Variants in CSE1L observed in about 807,000 individuals in gnomAD.
The protein encoded by CSE1L is chromosome segregation 1 like, also known as exportin-2.
In CSE1L, 24 loss-of-function variants were observed where a neutral mutation model predicts 120.4. The observed-to-expected ratio is 0.20, with a 90% CI of 0.14 to 0.28. CSE1L has a LOEUF of 0.28. CSE1L is among the 10% of genes least tolerant of loss of function. The pLI, the probability that CSE1L is intolerant of heterozygous loss-of-function variation, is 1.00. For missense variants in CSE1L, 830 were observed against 1,145.2 expected (o/e 0.72, Z 3.97); for synonymous variants, 402 against 398.3 (o/e 1.01, Z -0.11).
intron 2 of CSE1L, 52 bp downstream of exon 2, chr20:49,058,600 A>C (rs775310683): frequency 1.4e-5 from 19 of 1,390,662 alleles, no homozygotes; most frequent in Non-Finnish European, 1.8e-5. Context: ...GACAGGTGAG[A>C]GAAACCTATG....
intron 11 of CSE1L, 103 bp from the exon 12 acceptor site, chr20:49,075,215 A>G (rs1051472429): frequency 3.8e-5 from 36 of 954,448 alleles, no homozygotes; most frequent in African/African-American, 3.7e-4. Flanking sequence ...CCGTTTTACA[A>G]TCGTAGCCAA....
In CSE1L at chr20:49,063,238, A is replaced by G. The variant is rs2091865987; in HGVS notation, c.122A>G (p.Asn41Ser). ...KFLESVEGNQ[N>S]YPLLLLTLLE... ...CTTGAATCTGTTGAAGGAAATCAGAATTATCCACTGTTGCTTTTGACATTA... is the reference window on the plus strand; with the variant it reads ...CTTGAATCTGTTGAAGGAAATCAGAGTTATCCACTGTTGCTTTTGACATTA... Residue 41 changes from asparagine to serine, a missense_variant, in exon 3 of 25, where the codon AAT becomes AGT. By Grantham distance (46) the Asn-to-Ser change is conservative (BLOSUM62 1). This residue lies in a region of CSE1L where 543 missense variants were observed against 640.2 expected (regional missense o/e 0.85). Transcript: ENST00000262982. 6.3e-7 allele frequency: 1 copy of G among 1,594,820 alleles called. No homozygotes were observed. Among genetic ancestry groups the G allele is most frequent in the East Asian group, 2.3e-5 (1 of 44,118 alleles).
chr20:49,051,947 C>T (rs1221202143), intron 1 of CSE1L, among the ~76,000 whole-genome samples: 1 of 152,192 alleles, frequency 6.6e-6, no homozygotes, highest in Non-Finnish European at 1.5e-5. Context: ...CCTTCCGCCT[C>T]GGCCTTCCAA....
intron 1 of CSE1L, among the ~76,000 whole-genome samples, chr20:49,047,745 C>T (rs2091730980): frequency 6.6e-6 from 1 of 151,368 alleles, no homozygotes; most frequent in South Asian, 2.1e-4. Flanking sequence ...CCACCACACC[C>T]GGCTAATTTT....
At chr20:49,065,157 CA>C (rs3091720) in intron 3 of CSE1L, among the ~76,000 whole-genome samples, 108,449 of 133,588 alleles carry the variant, frequency 0.81, 43,912 homozygotes, top group African/African-American at 0.95. Context: ...AACCCAGTCT[CA>C]AAAAAAAAAA....
chr20:49,058,384 G>T, intron 1 of CSE1L, 69 bp from the exon 2 acceptor site: 2 of 1,140,856 alleles, frequency 1.8e-6, no homozygotes, highest in Non-Finnish European at 2.6e-6. Context: ...TAATATAAAC[G>T]GATTTCTTTA....
chr20:49,075,375 T>C lies in CSE1L; in HGVS notation c.1190T>C (p.Phe397Ser), dbSNP rs1219511382. The C allele has an allele frequency of 6.2e-7, 1 of 1,614,150 alleles. No individual in the cohort carries two copies. The highest frequency in any genetic ancestry group is 8.5e-7 in the Non-Finnish European group (1 of 1,180,006). ...CDLVRGLCKFFEGPVTGIFSG... is the reference protein window; with the variant it reads ...CDLVRGLCKFSEGPVTGIFSG... ...CTGGTACGAGGATTATGCAAGTTTT[T>C]TGAGGGACCTGTGACAGGAATCTTC... The change falls in exon 12 of 25, where the codon TTT (phenylalanine) becomes TCT (serine). Residue 397 changes from phenylalanine (F) to serine (S), a missense_variant. Phe to Ser is a radical substitution (Grantham distance 155). Around this residue, in one of 4 missense-constraint regions of CSE1L, gnomAD observed 543 missense variants for 640.2 expected, o/e 0.85. Coordinates refer to ENST00000262982, the MANE Select transcript of CSE1L (RefSeq NM_001316.4).
At chr20:49,052,695 C>T (rs2091776682) in intron 1 of CSE1L, among the ~76,000 whole-genome samples, 3 of 152,138 alleles carry the variant, frequency 2.0e-5, no homozygotes, top group Admixed American at 2.0e-4. Flanking sequence ...GTGGCCTGAT[C>T]ACAACTCACA....
chr20:49,050,385 AT>A (rs1243770980), intron 1 of CSE1L, among the ~76,000 whole-genome samples: 2,347 of 79,016 alleles, frequency 0.03, 32 homozygotes, highest in Admixed American at 0.052. Context: ...AGCCCAGCTA[AT>A]TTTTTTTTTT....
chr20:49,081,315 G>A (rs973133921), intron 14 of CSE1L, among the ~76,000 whole-genome samples: 6 of 151,950 alleles, frequency 3.9e-5, no homozygotes, highest in Non-Finnish European at 1.5e-5. Context: ...ACAGGGTCTC[G>A]TTCTGTCGCC....
Position 49,094,168 on chromosome 20 carries a change from A to G in CSE1L, c.2476A>G (p.Ile826Val). 6.3e-7 allele frequency: 1 copy of G among 1,583,100 alleles called. No homozygotes were observed. Among genetic ancestry groups the G allele is most frequent in the South Asian group, 1.1e-5 (1 of 87,974 alleles). ...KMFGMVLEKI[I>V]IPEIQKVSGN... is the part of the protein sequence containing the mutation. ...GTTTGGAATGGTTTTGGAAAAAATT[A>G]TTATTCCTGAAATTCAGAAGGTATC... Residue 826 changes from isoleucine to valine, a missense_variant, in exon 23 of 25, where the codon ATT becomes GTT. Transcript: ENST00000262982.
At chr20:49,059,744 G>A (rs6066959) in intron 2 of CSE1L, among the ~76,000 whole-genome samples, 48,120 of 151,780 alleles carry the variant, frequency 0.32, 9,020 homozygotes, top group Middle Eastern at 0.47. Context: ...GCTGGGTGTG[G>A]TGGCACACAC....
At chr20:49,094,522 A>G (rs1418240971) in intron 23 of CSE1L, among the ~76,000 whole-genome samples, 1 of 152,148 alleles carries the variant, frequency 6.6e-6, no homozygotes, top group African/African-American at 2.4e-5. Context: ...GGTGATCTCT[A>G]AGACAATTTT....
Position 49,063,306 on chromosome 20 carries a change from G to C in CSE1L, c.190G>C (p.Val64Leu). The C allele has an allele frequency of 7.1e-6, 11 of 1,540,324 alleles. No homozygotes were observed. Among genetic ancestry groups the C allele is most frequent in the Non-Finnish European group, 9.7e-6 (11 of 1,136,646 alleles). ...TAATGTTATCAAAGTATGTGCTTCA[G>C]TAACATTCAAAAACTATATTAAAAG... ...QDNVIKVCAS[V>L]TFKNYIKRNW... Residue 64 changes from valine to leucine, a missense_variant, in exon 3 of 25, where the codon GTA becomes CTA. By Grantham distance (32) the Val-to-Leu change is conservative. Transcript: ENST00000262982.
chr20:49,053,882 G>T (rs768161344), intron 1 of CSE1L, among the ~76,000 whole-genome samples: 22 of 152,008 alleles, frequency 1.4e-4, no homozygotes, highest in Non-Finnish European at 2.4e-4. Context: ...TAGAGATGGG[G>T]TTTTGCCATG....
chr20:49,083,952 C>T, intron 14 of CSE1L, 74 bp from the exon 15 acceptor site: 3 of 1,441,516 alleles, frequency 2.1e-6, no homozygotes, highest in Non-Finnish European at 2.9e-6. Context: ...TCAACAGGTC[C>T]TTCTCTTCCA....
chr20:49,094,277 C>T lies in CSE1L; in HGVS notation c.2585C>T (p.Thr862Ile). The T allele has an allele frequency of 1.9e-6, 3 of 1,610,618 alleles. No individual in the cohort carries two copies. The highest frequency in any genetic ancestry group is 1.3e-5 in the African/African-American group (1 of 74,814). Residue 862 changes from threonine (T) to isoleucine (I), a missense_variant, in exon 23 of 25, where the codon ACC (threonine) becomes ATC (isoleucine). Physicochemically the swap from Thr to Ile is moderately conservative, Grantham distance 89. Around this residue, in one of 4 missense-constraint regions of CSE1L, gnomAD observed 112 missense variants for 200.0 expected, o/e 0.56. Coordinates refer to ENST00000262982, the MANE Select transcript of CSE1L (RefSeq NM_001316.4). The stretch of plus-strand genomic sequence containing the variant: ...CCCCCAATGATGGACACTGAGTATA[C>T]CAAACTGTGGTAAGTACTTCATTTT... ...ECPPMMDTEY[T>I]KLWTPLLQSL...
chr20:49,092,047 T>A lies in CSE1L; in HGVS notation c.2367T>A (p.Ser789Arg), dbSNP rs948922691. Reference protein sequence around the residue: ...QNSKTTKFIKSFLVFINLYCI... With the variant: ...QNSKTTKFIKRFLVFINLYCI... ...ATATTCTGCATCTTCTTTCAACAGG[T>A]TTTTTAGTCTTTATTAATTTGTATT... The change falls in exon 22 of 25, where the codon AGT becomes AGA. Residue 789 changes from serine (S) to arginine (R), a missense_variant and splice_region_variant. Physicochemically the swap from Ser to Arg is moderately radical, Grantham distance 110 (BLOSUM62 -1). Coordinates refer to ENST00000262982, the MANE Select transcript of CSE1L (RefSeq NM_001316.4). 1 of 1,533,280 alleles carries A rather than the reference T, an allele frequency of 6.5e-7. No individual in the cohort carries two copies. Among genetic ancestry groups the A allele is most frequent in the Non-Finnish European group, 9.0e-7 (1 of 1,116,252 alleles). The allele number at this position is 1,533,280 out of a possible 1,614,324, so 95.0% of individuals were successfully genotyped here. A position where few individuals can be genotyped will look rare whatever the true frequency, so the allele number is the denominator to read the frequency against.
chr20:49,091,996 GT>G (rs768314601), intron 21 of CSE1L, 49 bp from the exon 22 acceptor site: 1 of 999,166 alleles, frequency 1.0e-6, no homozygotes, highest in Non-Finnish European at 1.6e-6. Flanking sequence ...TCAGTTACCA[GT>G]TTAGTGCGTG....
Sources: gnomAD v4.1 joint callset for allele counts (sites outside exome capture counted in the v4.1 genomes callset) on GRCh38, gnomAD v4.1.1 for gene constraint, gnomAD v4.1.1 regional missense constraint, MANE v1.5 for transcripts, NCBI Gene and HGNC (gene_info 2026-07-23, HGNC 2026-07-21) for gene names.